PTPRE: variants seen among roughly 807,000 people sequenced by gnomAD.
PTPRE encodes the protein protein tyrosine phosphatase receptor type E.
In PTPRE, 51 loss-of-function variants were observed where a neutral mutation model predicts 102.0. The observed-to-expected ratio is 0.50, with a 90% CI of 0.40 to 0.63. The LOEUF is 0.63. Ranked by LOEUF, PTPRE falls within the 30% of genes least tolerant of loss-of-function variation. The pLI is 0.00. For missense variants in PTPRE, 752 were observed against 915.1 expected (o/e 0.82, Z 2.30); for synonymous variants, 345 against 348.2 (o/e 0.99, Z 0.10).
chr10:128,006,295 AG>A (rs1343349387), intron 2 of PTPRE, among the ~76,000 whole-genome samples: 1 of 152,204 alleles, frequency 6.6e-6, no homozygotes, highest in Admixed American at 6.5e-5. Flanking sequence ...TGGCACCATC[AG>A]GGTCCCTGGG....
intron 6 of PTPRE, among the ~76,000 whole-genome samples, chr10:128,052,282 A>G (rs10829320): frequency 0.88 from 134,578 of 152,154 alleles, 59,777 homozygotes; most frequent in East Asian, 1. Flanking sequence ...GGGAGACACC[A>G]GAGTCTCAAA....
In PTPRE at chr10:127,907,515, G is replaced by T. The variant is rs1012645828; in HGVS notation, c.-31+206G>T. On this transcript the variant is annotated intron_variant, in intron 1 of 20. Coordinates refer to ENST00000254667, the MANE Select transcript of PTPRE (RefSeq NM_006504.6). This position sits in a 1 kb window ranked among gnomAD's most constrained non-coding sequence, Gnocchi z 4.8. ...CCCGTACGACCCCCGACCCCGGCCT[G>T]TGGCGCGTCCCCTCACCCGGAGTCC... Among the ~76,000 whole-genome samples, 1 of 151,638 alleles carries T rather than the reference G, an allele frequency of 6.6e-6. No homozygotes were observed. Among genetic ancestry groups the T allele is most frequent in the Non-Finnish European group, 1.5e-5 (1 of 67,834 alleles).
rs1384731956 is a variant in PTPRE at position 128,083,909 on chromosome 10, G to C, written c.*1003G>C. 1.3e-5 allele frequency: 2 copies of C among 152,190 alleles called. No homozygotes were observed. Among genetic ancestry groups the C allele is most frequent in the African/African-American group, 4.8e-5 (2 of 41,440 alleles). 9.4% of individuals were successfully genotyped at this position (152,190 alleles called of 1,614,324 possible). On this transcript the variant is annotated 3_prime_UTR_variant, in exon 21 of 21. Coordinates refer to ENST00000254667, the MANE Select transcript of PTPRE (RefSeq NM_006504.6). ...AATTAAACTTTAAATTTTCTGAGCA[G>C]CATTTTGGTATTTAAACATTTCTTG...
At chr10:128,054,409 C>A (rs114846423) in intron 6 of PTPRE, among the ~76,000 whole-genome samples, 6 of 152,032 alleles carry the variant, frequency 3.9e-5, no homozygotes, top group African/African-American at 1.2e-4. Context: ...TAGAATTTTA[C>A]CACAGATGTC....
intron 1 of PTPRE, among the ~76,000 whole-genome samples, chr10:127,970,175 G>A (rs1416886970): frequency 6.6e-6 from 1 of 152,178 alleles, no homozygotes; most frequent in Non-Finnish European, 1.5e-5. Flanking sequence ...ACTCCAGCTG[G>A]GAGACACAAG....
At chr10:128,034,427 C>T (rs551483523) in intron 2 of PTPRE, among the ~76,000 whole-genome samples, 1 of 152,106 alleles carries the variant, frequency 6.6e-6, no homozygotes, top group South Asian at 2.1e-4. Context: ...TGGTGGCTCA[C>T]ACCTGTAATC....
chr10:127,987,167 A>C (rs1408797359), intron 2 of PTPRE: 1 of 241,006 alleles, frequency 4.1e-6, no homozygotes, highest in Non-Finnish European at 6.7e-6. Context: ...AGAGCCTAGT[A>C]GGTAATCCTT....
At chr10:128,069,875 C>A (rs1850614888) in intron 13 of PTPRE, 48 bp downstream of exon 13, 3 of 1,613,184 alleles carry the variant, frequency 1.9e-6, no homozygotes, top group Non-Finnish European at 2.5e-6. Context: ...CAAAGCAAAC[C>A]CGATGCCTTC....
At chr10:128,003,276 G>C (rs559393757) in intron 2 of PTPRE, among the ~76,000 whole-genome samples, 1 of 152,052 alleles carries the variant, frequency 6.6e-6, no homozygotes, top group South Asian at 2.1e-4. Flanking sequence ...CTGCTGTTGC[G>C]GCTGTTTCCC....
At chr10:127,936,870 G>A (rs1847879358) in intron 1 of PTPRE, among the ~76,000 whole-genome samples, 1 of 152,152 alleles carries the variant, frequency 6.6e-6, no homozygotes, top group Non-Finnish European at 1.5e-5. Context: ...TTGGCAAGTA[G>A]CTGAGGATTT....
At chr10:127,958,956 G>GCACGATCT (rs1258528188) in intron 1 of PTPRE, among the ~76,000 whole-genome samples, 2 of 149,426 alleles carry the variant, frequency 1.3e-5, no homozygotes, top group African/African-American at 5.0e-5. Context: ...GAGTGCAATG[G>GCACGATCT]CACGATCTCA....
chr10:128,045,294 C>T (rs548738727), intron 3 of PTPRE, among the ~76,000 whole-genome samples: 77 of 152,254 alleles, frequency 5.1e-4, no homozygotes, highest in Non-Finnish European at 9.4e-4. Context: ...GCCTTCACTA[C>T]AGGCAGGAAC....
chr10:128,066,113 G>A lies in PTPRE; in HGVS notation c.762G>A (p.Trp254Ter). Residue 254 changes from tryptophan to a stop codon, truncating the protein, a stop_gained, in exon 11 of 21, where the codon TGG becomes TGA. Transcript: ENST00000254667. LOFTEE classifies it high-confidence loss of function. ...AGTACTGGCCCGACCAAGGCTGCTG[G>A]ACCTATGGAAACATCCGGGTGTGCG... is the stretch of plus-strand genomic sequence containing the variant. Reference protein sequence around the residue: ...CHQYWPDQGCWTYGNIRVCVE... With the variant: ...CHQYWPDQGC 1 of 1,614,240 alleles carries A rather than the reference G, an allele frequency of 6.2e-7. No homozygotes were observed. Among genetic ancestry groups the A allele is most frequent in the Non-Finnish European group, 8.5e-7 (1 of 1,180,048 alleles).
chr10:128,011,089 G>C (rs1315182351), intron 2 of PTPRE, among the ~76,000 whole-genome samples: 1 of 152,190 alleles, frequency 6.6e-6, no homozygotes, highest in African/African-American at 2.4e-5. Flanking sequence ...TCCGTGGGAA[G>C]AAAGCCAATT....
chr10:128,070,402 C>G lies in PTPRE; in HGVS notation c.1245C>G (p.His415Gln). The G allele has an allele frequency of 1.2e-6, 2 of 1,614,140 alleles. No homozygotes were observed. Among genetic ancestry groups the G allele is most frequent in the Non-Finnish European group, 1.7e-6 (2 of 1,180,016 alleles). ...TGGAGAAGCACCTGCAGACCATGCA[C>G]GGCACCACCACCCACTTCGACAAGA... ...SSLEKHLQTM[H>Q]GTTTHFDKIG... The change falls in exon 14 of 21, where the codon CAC (histidine) becomes CAG (glutamine). Residue 415 changes from histidine (H) to glutamine (Q), a missense_variant. His to Gln is a conservative substitution (Grantham distance 24). This residue lies in a region of PTPRE where 636 missense variants were observed against 824.4 expected (regional missense o/e 0.77). Transcript: ENST00000254667. This position sits in a 1 kb window ranked among gnomAD's most constrained non-coding sequence, Gnocchi z 4.8.
chr10:128,077,889 T>C, intron 19 of PTPRE, 106 bp downstream of exon 19: 1 of 1,324,784 alleles, frequency 7.5e-7, no homozygotes, highest in Non-Finnish European at 1.0e-6. Context: ...CTGGCCATGG[T>C]ATTCCCTAGA....
chr10:128,049,683 C>T lies in PTPRE; in HGVS notation c.420+17C>T, dbSNP rs1848398560. The T allele has an allele frequency of 5.0e-6, 8 of 1,613,512 alleles. No homozygotes were observed. In the East Asian group the frequency reaches 1.8e-4, roughly 36 times the overall value. ...GAGTTCAACGTGAGTGTGGGGAGGG[C>T]TCTCTGCTGGGTGCCCTGTGGTGGA... On this transcript the variant is annotated intron_variant, in intron 6 of 20. Coordinates refer to ENST00000254667, the MANE Select transcript of PTPRE (RefSeq NM_006504.6).
chr10:128,002,396 C>T (rs1854012800), intron 2 of PTPRE, among the ~76,000 whole-genome samples: 1 of 152,152 alleles, frequency 6.6e-6, no homozygotes, highest in Non-Finnish European at 1.5e-5. Context: ...AGGGAAGACA[C>T]TGCTGTTCAG....
chr10:127,990,246 C>T (rs1352178028), intron 2 of PTPRE, among the ~76,000 whole-genome samples: 1 of 151,350 alleles, frequency 6.6e-6, no homozygotes, highest in Non-Finnish European at 1.5e-5. Flanking sequence ...ACCTCATCTC[C>T]ACTAAAAATA....
Sources: allele counts gnomAD v4.1 joint callset (sites outside exome capture counted in the v4.1 genomes callset), GRCh38; gene constraint gnomAD v4.1.1; regional missense constraint gnomAD v4.1.1; non-coding constraint Gnocchi (gnomAD v3.1); transcripts MANE v1.5; gene names NCBI Gene and HGNC (gene_info 2026-07-23, HGNC 2026-07-21).